Variants in ZFP62 observed in about 807,000 individuals in gnomAD.
The protein encoded by ZFP62 is zinc finger protein 62 homolog.
In ZFP62, 44 loss-of-function variants were observed where a neutral mutation model predicts 56.4. The observed-to-expected ratio is 0.78, with a 90% CI of 0.61 to 1.00. The LOEUF (loss-of-function observed/expected upper bound fraction) is 1.00. ZFP62 is among the 50% of genes least tolerant of loss of function. The probability of loss-of-function intolerance (pLI) is 0.00; values close to 1 mark genes in which losing one functional copy is unlikely to be tolerated. For missense variants in ZFP62, 1,030 were observed against 1,085.7 expected (o/e 0.95, Z 0.72); for synonymous variants, 421 against 388.9 (o/e 1.08, Z -0.97).
rs1053689356 is a variant in ZFP62 at position 180,848,034 on chromosome 5, G to A, written c.*758C>T. The A allele has an allele frequency of 3.0e-6, 3 of 985,338 alleles. No homozygotes were observed. The highest frequency in any genetic ancestry group is 3.6e-6 in the Non-Finnish European group (3 of 829,918). The allele number at this position is 985,338 out of a possible 1,614,324, so 61.0% of individuals were successfully genotyped here. ...CATAATGTGTGAATACCACTTCCAG[G>A]TTATCCCTCATCACAAATTCATCAT... On this transcript the variant is annotated 3_prime_UTR_variant, in exon 2 of 2. Transcript: ENST00000502412.
Position 180,848,635 on chromosome 5 carries a change from T to C in ZFP62, c.*157A>G, listed in dbSNP as rs1773506679. 7.3e-7 allele frequency: 1 copy of C among 1,374,340 alleles called. No individual in the cohort carries two copies. The highest frequency in any genetic ancestry group is 9.4e-7 in the Non-Finnish European group (1 of 1,065,974). 85.1% of individuals were successfully genotyped at this position (1,374,340 alleles called of 1,614,324 possible). Reference sequence around the variant, plus strand: ...ACCTTGACACTGGAGCCTTTCTTGCTTGCTATGATTGAAAATCACATAGAA... The same window carrying C: ...ACCTTGACACTGGAGCCTTTCTTGCCTGCTATGATTGAAAATCACATAGAA... On this transcript the variant is annotated 3_prime_UTR_variant, in exon 2 of 2. Transcript: ENST00000502412.
chr5:180,828,585 A>G, the ZFP62 span, among the ~76,000 whole-genome samples: 1 of 152,194 alleles, frequency 6.6e-6, no homozygotes, highest in East Asian at 1.9e-4. Context: ...TAATCTCTTA[A>G]TCCTGTTATC....
chr5:180,858,463 TGTG>T (rs1321174682), intron 1 of ZFP62, among the ~76,000 whole-genome samples: 1 of 151,828 alleles, frequency 6.6e-6, no homozygotes, highest in African/African-American at 2.4e-5. Flanking sequence ...ATTAGCCAGA[TGTG>T]GTGGTGCACA....
At chr5:180,843,086 A>T (rs1773347925), downstream of ZFP62, among the ~76,000 whole-genome samples, 1 of 150,790 alleles carries the variant, frequency 6.6e-6, no homozygotes, top group Admixed American at 6.6e-5. Context: ...AAGAAAAGTA[A>T]TTAAACGTTT....
chr5:180,836,019 C>T, the ZFP62 span, among the ~76,000 whole-genome samples: 1 of 152,204 alleles, frequency 6.6e-6, no homozygotes, highest in East Asian at 1.9e-4. Context: ...TACACAAATA[C>T]TTACCGTGTT....
chr5:180,851,547 A>G, intron 1 of ZFP62, 54 bp from the exon 2 acceptor site: 1 of 1,454,336 alleles, frequency 6.9e-7, no homozygotes. Context: ...AAAAAACAAA[A>G]ACAAACTGGA....
chr5:180,853,017 G>A (rs112769506), intron 1 of ZFP62, among the ~76,000 whole-genome samples: 15,952 of 152,124 alleles, frequency 0.1, 2,085 homozygotes, highest in African/African-American at 0.31. Context: ...CCTTTTAAGG[G>A]GAATTTGCCA....
chr5:180,830,194 A>T, the ZFP62 span: 1 of 152,230 alleles, frequency 6.6e-6, no homozygotes, highest in South Asian at 2.1e-4. Context: ...TGACCGATCA[A>T]CTGGTCTCTC....
the ZFP62 span, among the ~76,000 whole-genome samples, chr5:180,841,267 A>G: frequency 1.2e-4 from 17 of 143,168 alleles, no homozygotes; most frequent in Non-Finnish European, 1.8e-4. Flanking sequence ...ACACACACAC[A>G]CATATATATA....
chr5:180,830,170 T>C, the ZFP62 span: 2 of 152,244 alleles, frequency 1.3e-5, no homozygotes, highest in African/African-American at 4.8e-5. Context: ...AGAATTATCG[T>C]GGAACAGCTT....
Position 180,849,564 on chromosome 5 carries a change from G to A in ZFP62, c.1931C>T (p.Pro644Leu), listed in dbSNP as rs906437278. 42 of 1,551,976 alleles carry A rather than the reference G, an allele frequency of 2.7e-5. No homozygotes were observed. Among genetic ancestry groups the A allele is most frequent in the Non-Finnish European group, 3.7e-5 (42 of 1,147,110 alleles). ...QHRRVHTREK[P>L]YECDRCEKVF... is the part of the protein sequence containing the mutation. ...CTTCTCACACCTGTCACATTCATAG[G>A]GTTTCTCTCTAGTGTGGACCCTTCT... The change falls in exon 2 of 2, where the codon CCC becomes CTC. Residue 644 changes from proline (P) to leucine (L), a missense_variant. Pro to Leu is a moderately conservative substitution (Grantham distance 98, BLOSUM62 -3). Coordinates refer to ENST00000502412, the MANE Select transcript of ZFP62 (RefSeq NM_001172638.2).
chr5:180,827,894 T>C, the ZFP62 span, among the ~76,000 whole-genome samples: 7,502 of 152,272 alleles, frequency 0.049, 568 homozygotes, highest in African/African-American at 0.16. Flanking sequence ...TGTAAAGCAT[T>C]GAGATGTTTA....
chr5:180,829,617 G>A, the ZFP62 span, among the ~76,000 whole-genome samples: 13 of 152,354 alleles, frequency 8.5e-5, no homozygotes, highest in African/African-American at 2.4e-4. Flanking sequence ...GGGTTCCCCC[G>A]ATAGTTCTAT....
the ZFP62 span, among the ~76,000 whole-genome samples, chr5:180,827,242 A>C: frequency 6.6e-6 from 1 of 152,222 alleles, no homozygotes; most frequent in South Asian, 2.1e-4. Context: ...CATTGGCCAG[A>C]GACTTGAAAG....
Position 180,850,432 on chromosome 5 carries a change from G to A in ZFP62, c.1063C>T (p.His355Tyr), listed in dbSNP as rs1446580470. Residue 355 changes from histidine (H) to tyrosine (Y), a missense_variant, in exon 2 of 2, where the codon CAT becomes TAT. By Grantham distance (83) the His-to-Tyr change is moderately conservative (BLOSUM62 2). Transcript: ENST00000502412. ...SFNYSSLLIQ[H>Y]KVIHTGEKPY... is the part of the protein sequence containing the mutation. ...TTCTCTCCAGTGTGGATGACTTTAT[G>A]CTGAATGAGAAGAGAGCTATAATTA... is the stretch of plus-strand genomic sequence containing the variant. 1.3e-6 allele frequency: 2 copies of A among 1,555,724 alleles called. No individual in the cohort carries two copies. Among genetic ancestry groups the A allele is most frequent in the Non-Finnish European group, 1.7e-6 (2 of 1,149,390 alleles).
the ZFP62 span, among the ~76,000 whole-genome samples, chr5:180,836,774 T>C: frequency 2.0e-5 from 3 of 152,176 alleles, no homozygotes; most frequent in African/African-American, 7.2e-5. Flanking sequence ...GGGGGCTGGA[T>C]AGTGACAACA....
At chr5:180,828,956 G>C in the ZFP62 span, among the ~76,000 whole-genome samples, 1 of 152,154 alleles carries the variant, frequency 6.6e-6, no homozygotes, top group Non-Finnish European at 1.5e-5. Flanking sequence ...TGTCCTATGC[G>C]GTAGCGATAA....
chr5:180,835,663 C>T, the ZFP62 span: 1 of 152,080 alleles, frequency 6.6e-6, no homozygotes, highest in Admixed American at 6.5e-5. Context: ...ATGGTTAATA[C>T]TTACTATTTG....
chr5:180,852,336 T>C (rs1156883662), intron 1 of ZFP62, among the ~76,000 whole-genome samples: 1 of 152,056 alleles, frequency 6.6e-6, no homozygotes, highest in Non-Finnish European at 1.5e-5. Flanking sequence ...GGTGGGCGGA[T>C]CACGAGGTCA....
Sources: allele counts gnomAD v4.1 joint callset (sites outside exome capture counted in the v4.1 genomes callset), GRCh38; gene constraint gnomAD v4.1.1; transcripts MANE v1.5; gene names NCBI Gene and HGNC (gene_info 2026-07-23, HGNC 2026-07-21).